RABGAP1L: variants seen among roughly 807,000 people sequenced by gnomAD.
RABGAP1L encodes RAB GTPase activating protein 1 like, also known as rab GTPase-activating protein 1-like.
In RABGAP1L, 63 loss-of-function variants were observed where a neutral mutation model predicts 137.7. That is an observed-to-expected ratio of 0.46 (90% confidence interval 0.37 to 0.56). The LOEUF is 0.56. Among genes scored for constraint, RABGAP1L ranks in the 20% least tolerant of loss-of-function variants. The probability of loss-of-function intolerance (pLI) is 0.00; values close to 1 mark genes in which losing one functional copy is unlikely to be tolerated. For synonymous variants in RABGAP1L, 431 were observed against 433.7 expected (o/e 0.99, Z 0.08); for missense variants, 1,095 against 1,244.0 (o/e 0.88, Z 1.80).
At chr1:174,710,935 G>A (rs1485336932) in intron 17 of RABGAP1L, among the ~76,000 whole-genome samples, 1 of 152,220 alleles carries the variant, frequency 6.6e-6, no homozygotes, top group Non-Finnish European at 1.5e-5. Context: ...TGCTCATCGG[G>A]GAGGCTCAGG....
At chr1:174,968,922 C>T (rs909133209) in intron 20 of RABGAP1L, among the ~76,000 whole-genome samples, 1 of 152,046 alleles carries the variant, frequency 6.6e-6, no homozygotes, top group Non-Finnish European at 1.5e-5. Flanking sequence ...GTGAGACTAC[C>T]GTGCATGTTT....
intron 11 of RABGAP1L, among the ~76,000 whole-genome samples, chr1:174,306,688 C>T (rs1008534047): frequency 2.6e-5 from 4 of 152,000 alleles, no homozygotes; most frequent in African/African-American, 9.7e-5. Flanking sequence ...TGCTGTACCC[C>T]TTACCACTGC....
chr1:174,414,647 T>C (rs774173489), intron 13 of RABGAP1L, among the ~76,000 whole-genome samples: 1 of 152,150 alleles, frequency 6.6e-6, no homozygotes, highest in Non-Finnish European at 1.5e-5. Flanking sequence ...TGTGGCACTG[T>C]AATTGGAGAA....
At chr1:174,491,233 C>A (rs1660198753) in intron 13 of RABGAP1L, among the ~76,000 whole-genome samples, 1 of 152,082 alleles carries the variant, frequency 6.6e-6, no homozygotes, top group South Asian at 2.1e-4. Context: ...ATGGCATACT[C>A]CATGAGTATT....
intron 19 of RABGAP1L, among the ~76,000 whole-genome samples, chr1:174,946,940 ATGTG>A (rs755558389): frequency 0.082 from 4,952 of 60,538 alleles, 206 homozygotes; most frequent in East Asian, 0.15. Flanking sequence ...ATATATATAT[ATGTG>A]TGTGTGTGTG....
At chr1:174,503,397 C>T (rs915569186) in intron 13 of RABGAP1L, among the ~76,000 whole-genome samples, 4 of 152,128 alleles carry the variant, frequency 2.6e-5, no homozygotes, top group Non-Finnish European at 4.4e-5. Context: ...CATGATGGCT[C>T]ATGCCTGTAA....
At chr1:174,735,612 CAAAAAAAAAAA>C (rs59281177) in intron 17 of RABGAP1L, among the ~76,000 whole-genome samples, 52 of 46,164 alleles carry the variant, frequency 1.1e-3, no homozygotes, top group African/African-American at 3.2e-3. Flanking sequence ...AACTCCATCT[CAAAAAAAAAAA>C]AAAAAAAAAA....
At chr1:174,359,137 C>G (rs1466546556) in intron 11 of RABGAP1L, among the ~76,000 whole-genome samples, 1 of 151,202 alleles carries the variant, frequency 6.6e-6, no homozygotes, top group Non-Finnish European at 1.5e-5. Flanking sequence ...TCAATTACCC[C>G]TTTACGTATC....
At chr1:174,469,801 AAGC>A (rs1289767975) in intron 13 of RABGAP1L, among the ~76,000 whole-genome samples, 2 of 152,162 alleles carry the variant, frequency 1.3e-5, no homozygotes, top group Non-Finnish European at 2.9e-5. Context: ...CCAATATTGA[AAGC>A]AGACAAAATG....
chr1:174,514,667 T>G (rs1279133099), intron 13 of RABGAP1L, among the ~76,000 whole-genome samples: 1 of 152,246 alleles, frequency 6.6e-6, no homozygotes, highest in Non-Finnish European at 1.5e-5. Flanking sequence ...TTGTCCTTTT[T>G]TCTTAGCTAA....
At chr1:174,510,687 C>G (rs942198607) in intron 13 of RABGAP1L, among the ~76,000 whole-genome samples, 1 of 152,004 alleles carries the variant, frequency 6.6e-6, no homozygotes, top group Non-Finnish European at 1.5e-5. Flanking sequence ...TGAACAAAAC[C>G]CCACTCAAAG....
chr1:174,342,432 T>C (rs1682054026), intron 11 of RABGAP1L, among the ~76,000 whole-genome samples: 1 of 152,204 alleles, frequency 6.6e-6, no homozygotes, highest in Admixed American at 6.5e-5. Context: ...TTCTCTGTAC[T>C]AATCTTAGTT....
intron 19 of RABGAP1L, among the ~76,000 whole-genome samples, chr1:174,912,516 G>A (rs1350897926): frequency 1.3e-5 from 2 of 152,136 alleles, no homozygotes; most frequent in Non-Finnish European, 2.9e-5. Context: ...GACTTAAAAA[G>A]CAAAGTATAA....
At chr1:174,609,944 A>T (rs937093859) in intron 13 of RABGAP1L, among the ~76,000 whole-genome samples, 2 of 151,644 alleles carry the variant, frequency 1.3e-5, no homozygotes, top group South Asian at 2.1e-4. Flanking sequence ...TAAGATAGAG[A>T]TCCATTTTGT....
At chr1:174,349,226 G>T (rs1682791188) in intron 11 of RABGAP1L, among the ~76,000 whole-genome samples, 3 of 141,158 alleles carry the variant, frequency 2.1e-5, no homozygotes. Flanking sequence ...CCGGGCGGGG[G>T]GGCTGACCCC....
intron 13 of RABGAP1L, among the ~76,000 whole-genome samples, chr1:174,541,854 C>T (rs1236942269): frequency 6.6e-6 from 1 of 151,940 alleles, no homozygotes; most frequent in African/African-American, 2.4e-5. Flanking sequence ...AGATAATCAT[C>T]TGTTTTTTGT....
chr1:174,273,798 T>A (rs777646536), intron 8 of RABGAP1L, among the ~76,000 whole-genome samples: 16 of 152,110 alleles, frequency 1.1e-4, no homozygotes, highest in Non-Finnish European at 2.2e-4. Flanking sequence ...GGTATAAACT[T>A]CTGAGGCCCC....
intron 13 of RABGAP1L, among the ~76,000 whole-genome samples, chr1:174,619,425 A>T (rs888407270): frequency 2.0e-4 from 31 of 152,336 alleles, no homozygotes; most frequent in Admixed American, 4.6e-4. Flanking sequence ...AGCCCATCAG[A>T]CTAACAGCAG....
At chr1:174,667,216 T>C (rs1179342897) in intron 14 of RABGAP1L, among the ~76,000 whole-genome samples, 1 of 152,130 alleles carries the variant, frequency 6.6e-6, no homozygotes, top group Non-Finnish European at 1.5e-5. Flanking sequence ...CTTGATCAGA[T>C]TGTTATTTTT....
Sources: allele counts gnomAD v4.1 joint callset (sites outside exome capture counted in the v4.1 genomes callset), GRCh38; gene constraint gnomAD v4.1.1; transcripts MANE v1.5; gene names NCBI Gene and HGNC (gene_info 2026-07-23, HGNC 2026-07-21).